The following PHACTR3 variants were observed in gnomAD, a reference collection of about 807,000 sequenced individuals.
PHACTR3 encodes phosphatase and actin regulator 3, also known as protein phosphatase 1, regulatory subunit 123.
A neutral mutation model predicts 66.8 loss-of-function variants in PHACTR3; 16 were observed. The observed-to-expected ratio is 0.24, with a 90% CI of 0.16 to 0.36. The LOEUF (loss-of-function observed/expected upper bound fraction) is 0.36. Ranked by LOEUF, PHACTR3 falls within the 10% of genes least tolerant of loss-of-function variation. The pLI, the probability that PHACTR3 is intolerant of heterozygous loss-of-function variation, is 1.00. For missense variants in PHACTR3, 647 were observed against 719.9 expected (o/e 0.90, Z 1.16); for synonymous variants, 323 against 292.1 (o/e 1.11, Z -1.08).
At position 59,738,570 on chromosome 20, in the gene PHACTR3, C is replaced by A. The variant is rs917141226; in HGVS notation, c.119-4537C>A. ...TCTGATCTGTAGTTTATTCTGTGTG[C>A]TACTCCGTTTTGCCTTGGCTGCTAG... On this transcript the variant is annotated intron_variant, in intron 1 of 12. Transcript: ENST00000371015. This position sits in a 1 kb window ranked among gnomAD's most constrained non-coding sequence, Gnocchi z 4.4. Among the ~76,000 whole-genome samples, 1 of 152,070 alleles carries A rather than the reference C, an allele frequency of 6.6e-6. No homozygotes were observed. Among genetic ancestry groups the A allele is most frequent in the Non-Finnish European group, 1.5e-5 (1 of 67,986 alleles).
chr20:59,657,485 C>CT (rs1367217555), intron 1 of PHACTR3, among the ~76,000 whole-genome samples: 4 of 152,052 alleles, frequency 2.6e-5, no homozygotes, highest in Non-Finnish European at 5.9e-5. Flanking sequence ...TATGGCAGAT[C>CT]TTTTAGCAAT....
rs2034509028 is a variant in PHACTR3 at position 59,627,766 on chromosome 20, ATC to A, written c.118+22640_118+22641del. On this transcript the variant is annotated intron_variant, in intron 1 of 12. Transcript: ENST00000371015. ...TCTATCATCCATCTATTTATCATTT[ATC>A]TCTCTTTTTTATTTATCTCTCAATA... Among the ~76,000 whole-genome samples, 13 of 152,232 alleles carry A rather than the reference ATC, an allele frequency of 8.5e-5. No homozygotes were observed. The South Asian group carries it at 2.7e-3, about 32-fold the overall frequency.
chr20:59,801,262 GCAGTAGCTGGC>G (rs1438242373), intron 7 of PHACTR3, among the ~76,000 whole-genome samples: 1 of 152,164 alleles, frequency 6.6e-6, no homozygotes, highest in African/African-American at 2.4e-5. Flanking sequence ...CTCTCTAGAG[GCAGTAGCTGGC>G]CAGTCATGGG....
At chr20:59,704,959 T>C in intron 1 of PHACTR3, among the ~76,000 whole-genome samples, 1 of 113,100 alleles carries the variant, frequency 8.8e-6, no homozygotes, top group East Asian at 2.1e-4. Context: ...AGACTTTCTC[T>C]TTTTTTTTTT....
At chr20:59,707,204 C>G (rs545896708) in intron 1 of PHACTR3, among the ~76,000 whole-genome samples, 2 of 152,196 alleles carry the variant, frequency 1.3e-5, no homozygotes, top group Non-Finnish European at 2.9e-5. Context: ...GGCTTCATCC[C>G]CCATCAGGTT....
chr20:59,797,574 T>A (rs1238554703), intron 7 of PHACTR3, among the ~76,000 whole-genome samples: 1 of 152,156 alleles, frequency 6.6e-6, no homozygotes, highest in Non-Finnish European at 1.5e-5. Flanking sequence ...AGTAATATAG[T>A]CTCTGTGCAG....
intron 4 of PHACTR3, among the ~76,000 whole-genome samples, chr20:59,760,536 T>C (rs1054144927): frequency 2.6e-5 from 4 of 152,192 alleles, no homozygotes; most frequent in African/African-American, 9.6e-5. Flanking sequence ...AAACCCCTTT[T>C]GCTTCGTTCT....
At chr20:59,723,060 CTCTTTCTTTCTTTCTTTCTT>C (rs140524195) in intron 1 of PHACTR3, among the ~76,000 whole-genome samples, 1,882 of 118,760 alleles carry the variant, frequency 0.016, 40 homozygotes, top group African/African-American at 0.052. Flanking sequence ...TTCTTTCTTT[CTCTTTCTTTCTTTCTTTCTT>C]TCTTTCTTTC....
chr20:59,833,170 G>A (rs1473690203), intron 8 of PHACTR3, among the ~76,000 whole-genome samples: 2 of 152,330 alleles, frequency 1.3e-5, no homozygotes, highest in African/African-American at 4.8e-5. Context: ...CTCCGGGGCT[G>A]TGTCTACCCA....
chr20:59,709,667 G>C (rs2037841289), intron 1 of PHACTR3, among the ~76,000 whole-genome samples: 2 of 152,194 alleles, frequency 1.3e-5, no homozygotes, highest in African/African-American at 4.8e-5. Flanking sequence ...GCACCTACTT[G>C]GGAGTAGGAA....
intron 1 of PHACTR3, among the ~76,000 whole-genome samples, chr20:59,638,555 G>A (rs1304163961): frequency 1.6e-5 from 2 of 126,372 alleles, no homozygotes; most frequent in Admixed American, 8.0e-5. Flanking sequence ...ATATATGAGT[G>A]GATAGGTGGG....
rs903699951 is a variant in PHACTR3, at chr20:59,830,834, G to A, written c.1329-5671G>A. 1.7e-4 allele frequency among the ~76,000 whole-genome samples: 26 copies of A among 152,170 alleles called. No homozygotes were observed. Among genetic ancestry groups the A allele is most frequent in the African/African-American group, 5.6e-4 (23 of 41,428 alleles). On this transcript the variant is annotated intron_variant, in intron 8 of 12. Transcript: ENST00000371015. This position sits in a 1 kb window ranked among gnomAD's most constrained non-coding sequence, Gnocchi z 5.8. ...CACCCAGCTGGCAGGGGTCAGAGCT[G>A]GAACTGGAATCCTAGCTCTGTGCCA...
chr20:59,592,045 A>G (rs2033197690), intron 1 of PHACTR3, among the ~76,000 whole-genome samples: 1 of 151,816 alleles, frequency 6.6e-6, no homozygotes, highest in South Asian at 2.1e-4. Flanking sequence ...AAATACACAT[A>G]CACACACACA....
intron 1 of PHACTR3, among the ~76,000 whole-genome samples, chr20:59,717,280 T>C (rs1568740274): frequency 6.6e-6 from 1 of 152,172 alleles, no homozygotes; most frequent in Non-Finnish European, 1.5e-5. Context: ...TAAATTGAAG[T>C]TTTTATTGAG....
At chr20:59,801,995 A>G (rs931761785) in intron 7 of PHACTR3, among the ~76,000 whole-genome samples, 20 of 152,218 alleles carry the variant, frequency 1.3e-4, no homozygotes, top group African/African-American at 4.8e-4. Flanking sequence ...TGAACTGAGC[A>G]GAGCCACGAA....
intron 1 of PHACTR3, among the ~76,000 whole-genome samples, chr20:59,670,986 G>A (rs2036176385): frequency 6.6e-6 from 1 of 152,150 alleles, no homozygotes; most frequent in African/African-American, 2.4e-5. Context: ...CTGTGCTCAT[G>A]TGCGCATGCT....
At chr20:59,788,274 A>G (rs1216001856) in intron 7 of PHACTR3, among the ~76,000 whole-genome samples, 1 of 152,142 alleles carries the variant, frequency 6.6e-6, no homozygotes, top group African/African-American at 2.4e-5. Flanking sequence ...CATCGTACAG[A>G]TGCGTTTTTC....
Position 59,593,969 on chromosome 20 carries a change from G to T in PHACTR3, c.109+16352G>T, listed in dbSNP as rs75132285. On this transcript the variant is annotated intron_variant, in intron 1 of 12. Transcript: ENST00000359926. The stretch of plus-strand genomic sequence containing the variant: ...AACTTTGTTCTTCTCCTTCAACAGC[G>T]TGTTGGGGATGCTAGGCCTTTTGCC... Among the ~76,000 whole-genome samples, 825 of 152,282 alleles carry T rather than the reference G, an allele frequency of 5.4e-3. 7 individuals carry two copies. Among genetic ancestry groups the T allele is most frequent in the African/African-American group, 0.019 (774 of 41,558 alleles).
chr20:59,811,387 G>A (rs1319356188), intron 8 of PHACTR3, among the ~76,000 whole-genome samples: 4 of 152,192 alleles, frequency 2.6e-5, no homozygotes, highest in South Asian at 2.1e-4. Flanking sequence ...GGCCGGGTCC[G>A]GTGGCTCATG....
Sources: gnomAD v4.1 joint callset for allele counts (sites outside exome capture counted in the v4.1 genomes callset) on GRCh38, gnomAD v4.1.1 for gene constraint, Gnocchi (gnomAD v3.1) non-coding constraint, MANE v1.5 for transcripts, NCBI Gene and HGNC (gene_info 2026-07-23, HGNC 2026-07-21) for gene names.